Variants in LRRC4C observed in about 807,000 individuals in gnomAD.
LRRC4C encodes leucine-rich repeat-containing protein 4C.
In LRRC4C, 5 loss-of-function variants were observed where a neutral mutation model predicts 33.6. That is an observed-to-expected ratio of 0.15 (90% CI 0.08 to 0.31). The LOEUF (loss-of-function observed/expected upper bound fraction) is 0.31. Ranked by LOEUF, LRRC4C falls within the 10% of genes least tolerant of loss-of-function variation. The pLI, the probability that LRRC4C is intolerant of heterozygous loss-of-function variation, is 1.00. For synonymous variants in LRRC4C, 329 were observed against 302.0 expected (o/e 1.09, Z -0.93); for missense variants, 560 against 796.7 (o/e 0.70, Z 3.58).
chr11:40,996,293 T>TC (rs763983419), intron 1 of LRRC4C, among the ~76,000 whole-genome samples: 1 of 152,110 alleles, frequency 6.6e-6, no homozygotes, highest in East Asian at 1.9e-4. Context: ...TCTGCTCTTG[T>TC]CCCAGGCATG....
chr11:40,631,594 A>G (rs1375866977), intron 3 of LRRC4C, among the ~76,000 whole-genome samples: 1 of 152,196 alleles, frequency 6.6e-6, no homozygotes, highest in Non-Finnish European at 1.5e-5. Context: ...TTTGTGGACC[A>G]TCTTACTTCA....
intron 2 of LRRC4C, among the ~76,000 whole-genome samples, chr11:40,900,220 T>C (rs1171976377): frequency 6.6e-6 from 1 of 152,184 alleles, no homozygotes; most frequent in Non-Finnish European, 1.5e-5. Flanking sequence ...TTCATTTTAA[T>C]GAACAAATTG....
At chr11:40,358,624 C>T (rs183704733) in intron 3 of LRRC4C, among the ~76,000 whole-genome samples, 5 of 152,180 alleles carry the variant, frequency 3.3e-5, no homozygotes, top group Admixed American at 3.3e-4. Context: ...ACTAAGCTGC[C>T]TGCGTATTAC....
chr11:40,573,833 T>C (rs1958076373), intron 3 of LRRC4C, among the ~76,000 whole-genome samples: 2 of 152,100 alleles, frequency 1.3e-5, no homozygotes, highest in Non-Finnish European at 2.9e-5. Context: ...CTCAACCAAA[T>C]AAATGTGGGT....
intron 1 of LRRC4C, among the ~76,000 whole-genome samples, chr11:41,056,487 T>A (rs374905038): frequency 3.3e-5 from 5 of 151,928 alleles, no homozygotes; most frequent in African/African-American, 1.2e-4. Flanking sequence ...AACCTACAGA[T>A]TGAGAGAAAA....
At chr11:41,164,227 T>C (rs1375291844) in intron 1 of LRRC4C, among the ~76,000 whole-genome samples, 2 of 148,718 alleles carry the variant, frequency 1.3e-5, no homozygotes, top group Non-Finnish European at 3.0e-5. Context: ...TTTTCTTAAC[T>C]AAGACACTAC....
Position 41,388,235 on chromosome 11 carries a change from G to A in LRRC4C, c.-496+71196C>T, listed in dbSNP as rs1953438881. On this transcript the variant is annotated intron_variant, in intron 1 of 6. Coordinates refer to ENST00000528697, the MANE Select transcript of LRRC4C (RefSeq NM_001258419.2). ...CAGAGAAATAGAAAGTAGATAAAGA[G>A]TTTTGACTGTTTTTGGTGGAGATTG... Among the ~76,000 whole-genome samples the A allele has an allele frequency of 2.0e-5, 3 of 151,758 alleles. No individual in the cohort carries two copies. The South Asian group carries it at 6.2e-4, about 31-fold the overall frequency.
intron 1 of LRRC4C, among the ~76,000 whole-genome samples, chr11:41,095,541 G>A (rs536693120): frequency 7.2e-5 from 11 of 152,276 alleles, no homozygotes; most frequent in African/African-American, 2.6e-4. Flanking sequence ...GGAACCCATG[G>A]TTCAGTGCAC....
chr11:40,408,472 A>G lies in LRRC4C; in HGVS notation c.-269-88751T>C, dbSNP rs141352654. Among the ~76,000 whole-genome samples, 165 of 151,924 alleles carry G rather than the reference A, an allele frequency of 1.1e-3. 1 individual carries two copies. The East Asian group carries it at 0.029, about 27-fold the overall frequency. On this transcript the variant is annotated intron_variant, in intron 3 of 6. Coordinates refer to ENST00000528697, the MANE Select transcript of LRRC4C (RefSeq NM_001258419.2). Reference sequence around the variant, plus strand: ...TGTAAAGTTATTTATATGCTACCTCACTTGAAACTCCAAGAGGTGGGGGAC... The same window carrying G: ...TGTAAAGTTATTTATATGCTACCTCGCTTGAAACTCCAAGAGGTGGGGGAC...
chr11:40,720,538 CAT>C (rs1166705491), intron 2 of LRRC4C, among the ~76,000 whole-genome samples: 1 of 152,136 alleles, frequency 6.6e-6, no homozygotes, highest in African/African-American at 2.4e-5. Flanking sequence ...CCAAGTGAAA[CAT>C]AGTGATTATA....
chr11:41,102,080 C>T (rs768656037), intron 1 of LRRC4C, among the ~76,000 whole-genome samples: 2 of 151,982 alleles, frequency 1.3e-5, no homozygotes, highest in South Asian at 2.1e-4. Flanking sequence ...AACAAACCCC[C>T]GTGACATGAG....
At chr11:40,508,226 G>T (rs1285831243) in intron 3 of LRRC4C, among the ~76,000 whole-genome samples, 1 of 152,080 alleles carries the variant, frequency 6.6e-6, no homozygotes, top group African/African-American at 2.4e-5. Flanking sequence ...GCTAATGGTG[G>T]CTTTTTCCAG....
At chr11:40,821,758 G>A (rs1448793532) in intron 2 of LRRC4C, among the ~76,000 whole-genome samples, 1 of 151,676 alleles carries the variant, frequency 6.6e-6, no homozygotes, top group African/African-American at 2.4e-5. Context: ...AAGAAGACAT[G>A]AGGACTAAAT....
At chr11:40,649,955 A>G (rs1942691859) in intron 2 of LRRC4C, among the ~76,000 whole-genome samples, 1 of 152,196 alleles carries the variant, frequency 6.6e-6, no homozygotes, top group Admixed American at 6.5e-5. Context: ...ACTGAATACC[A>G]TATTCTCTTG....
At chr11:41,432,083 T>C (rs1955258416) in intron 1 of LRRC4C, among the ~76,000 whole-genome samples, 1 of 152,128 alleles carries the variant, frequency 6.6e-6, no homozygotes, top group African/African-American at 2.4e-5. Flanking sequence ...TGGTAGTAAT[T>C]TGCTGTTTTT....
intron 3 of LRRC4C, among the ~76,000 whole-genome samples, chr11:40,580,327 T>C (rs1225080385): frequency 1.3e-5 from 2 of 151,992 alleles, no homozygotes; most frequent in Non-Finnish European, 2.9e-5. Context: ...AAAACTGCCT[T>C]ATGAAACCAT....
chr11:40,815,819 TAA>T (rs988302155), intron 2 of LRRC4C, among the ~76,000 whole-genome samples: 1 of 152,214 alleles, frequency 6.6e-6, no homozygotes, highest in African/African-American at 2.4e-5. Context: ...GAGCTTGTTA[TAA>T]AAGTGACACT....
intron 2 of LRRC4C, among the ~76,000 whole-genome samples, chr11:40,667,491 T>A (rs540588697): frequency 2.0e-5 from 3 of 152,184 alleles, no homozygotes; most frequent in Non-Finnish European, 4.4e-5. Flanking sequence ...TTGTTTCTAG[T>A]CAAGGGAATA....
At chr11:41,107,779 A>T (rs1941593288) in intron 1 of LRRC4C, among the ~76,000 whole-genome samples, 1 of 152,132 alleles carries the variant, frequency 6.6e-6, no homozygotes, top group South Asian at 2.1e-4. Flanking sequence ...ATCTATTGAA[A>T]ATACAAAAAT....
Sources: allele counts gnomAD v4.1 joint callset (sites outside exome capture counted in the v4.1 genomes callset), GRCh38; gene constraint gnomAD v4.1.1; transcripts MANE v1.5; gene names NCBI Gene and HGNC (gene_info 2026-07-23, HGNC 2026-07-21).